FBXO11: variants seen among roughly 807,000 people sequenced by gnomAD.
FBXO11 encodes F-box only protein 11.
Under a neutral mutation model 117.0 loss-of-function variants are expected in FBXO11, and 13 were observed. That is an observed-to-expected ratio of 0.11 (90% CI 0.07 to 0.18). The LOEUF is 0.18. Among genes scored for constraint, FBXO11 ranks in the 10% least tolerant of loss-of-function variants. The pLI is 1.00. For synonymous variants in FBXO11, 490 were observed against 380.5 expected (o/e 1.29, Z -3.35); for missense variants, 767 against 1,164.4 (o/e 0.66, Z 4.97).
intron 1 of FBXO11, among the ~76,000 whole-genome samples, chr2:47,875,704 G>C (rs1675952634): frequency 6.6e-6 from 1 of 151,960 alleles, no homozygotes; most frequent in African/African-American, 2.4e-5. Context: ...TTCTTTGGTA[G>C]ATCTCTAAGA....
chr2:47,901,891 T>C (rs1479250013), intron 1 of FBXO11, among the ~76,000 whole-genome samples: 1 of 152,228 alleles, frequency 6.6e-6, no homozygotes, highest in Non-Finnish European at 1.5e-5. Context: ...ACACTACTGT[T>C]TCATTAAATC....
At chr2:47,854,963 G>T (rs1186063039) in intron 1 of FBXO11, among the ~76,000 whole-genome samples, 2 of 150,596 alleles carry the variant, frequency 1.3e-5, no homozygotes. Flanking sequence ...AAGAAACTAA[G>T]GCACAATAAA....
At chr2:47,890,123 A>ATTATTTAT (rs137926259) in intron 1 of FBXO11, among the ~76,000 whole-genome samples, 50 of 151,732 alleles carry the variant, frequency 3.3e-4, no homozygotes, top group Middle Eastern at 3.4e-3. Flanking sequence ...GCTAATTTTT[A>ATTATTTAT]TTATTTATTT....
chr2:47,866,776 C>T (rs943308313), intron 1 of FBXO11, among the ~76,000 whole-genome samples: 2 of 152,142 alleles, frequency 1.3e-5, no homozygotes, highest in Non-Finnish European at 2.9e-5. Context: ...CCGGCCTATG[C>T]TAGCAAGTTT....
intron 20 of FBXO11, 125 bp downstream of exon 20, chr2:47,809,475 T>A: frequency 1.3e-6 from 1 of 767,680 alleles, no homozygotes. Flanking sequence ...TCTGTTTCTT[T>A]CAAAATCTAT....
chr2:47,855,583 C>T (rs1339555252), intron 1 of FBXO11, among the ~76,000 whole-genome samples: 1 of 152,096 alleles, frequency 6.6e-6, no homozygotes, highest in African/African-American at 2.4e-5. Flanking sequence ...CTTGTAATCC[C>T]AGCACTTTGG....
At chr2:47,852,602 T>C (rs1673956395) in intron 1 of FBXO11, among the ~76,000 whole-genome samples, 1 of 152,226 alleles carries the variant, frequency 6.6e-6, no homozygotes, top group Admixed American at 6.5e-5. Context: ...ATTTTTACTT[T>C]TCACTACTAA....
chr2:47,878,179 T>C lies in FBXO11; in HGVS notation c.232+27310A>G, dbSNP rs1309932346. 2.0e-5 allele frequency among the ~76,000 whole-genome samples: 3 copies of C among 152,106 alleles called. No homozygotes were observed. In the East Asian group the frequency reaches 5.8e-4, roughly 29 times the overall value. On this transcript the variant is annotated intron_variant, in intron 1 of 22. Transcript: ENST00000403359. ...TCAGTTTTTTCCTGATTCAGCCCTT[T>C]AGTTTCTGGGGTAATAAAAACAGGC... is the stretch of plus-strand genomic sequence containing the variant.
chr2:47,846,659 G>T (rs1430330948), intron 1 of FBXO11, among the ~76,000 whole-genome samples: 1 of 151,894 alleles, frequency 6.6e-6, no homozygotes, highest in Non-Finnish European at 1.5e-5. Context: ...GAAATAGAAC[G>T]CAATCCACAT....
At position 47,840,273 on chromosome 2, in the gene FBXO11, G is replaced by C. The variant is rs149696664; in HGVS notation, c.233-504C>G. On this transcript the variant is annotated intron_variant, in intron 1 of 22. Transcript: ENST00000403359. The stretch of plus-strand genomic sequence containing the variant: ...AGACTTTTTTTTAAAAAAAGGTGAG[G>C]AGGATATCCACTTGCTGAGAGGAGT... 1.1e-4 allele frequency among the ~76,000 whole-genome samples: 17 copies of C among 152,084 alleles called. No individual in the cohort carries two copies. The East Asian group carries it at 3.3e-3, about 30-fold the overall frequency.
chr2:47,841,131 G>A (rs985442871), intron 1 of FBXO11, among the ~76,000 whole-genome samples: 5 of 151,150 alleles, frequency 3.3e-5, no homozygotes, highest in East Asian at 4.0e-4. Context: ...CCGGGAGGCA[G>A]AGCTTGCAGT....
At chr2:47,840,303 A>G (rs1300004111) in intron 1 of FBXO11, among the ~76,000 whole-genome samples, 1 of 152,012 alleles carries the variant, frequency 6.6e-6, no homozygotes, top group African/African-American at 2.4e-5. Flanking sequence ...AGGAGTGGGA[A>G]GGGAACTGGT....
rs1206336442 is a variant in FBXO11, at chr2:47,900,581, C to CGTGTGT, written c.232+4907_232+4908insACACAC. Among the ~76,000 whole-genome samples the CGTGTGT allele has an allele frequency of 1.1e-3, 127 of 116,642 alleles. 8 individuals carry two copies. The highest frequency in any genetic ancestry group is 1.8e-3 in the Non-Finnish European group (89 of 48,676). 76.5% of individuals were successfully genotyped at this position (116,642 alleles called of 152,430 possible). On this transcript the variant is annotated intron_variant, in intron 1 of 22. Transcript: ENST00000403359. ...ACGTATATATACACACGTATACACA[C>CGTGTGT]ATATATACGTATATACACACGTATA...
At chr2:47,837,112 A>G (rs1672641097) in intron 4 of FBXO11, 1 of 184,800 alleles carries the variant, frequency 5.4e-6, no homozygotes, top group Non-Finnish European at 1.2e-5. Context: ...TATCCTATCA[A>G]GCACAATGAA....
At chr2:47,810,106 G>A in intron 19 of FBXO11, 1 of 517,012 alleles carries the variant, frequency 1.9e-6, no homozygotes. Flanking sequence ...TCACGACTAA[G>A]CAATAAGAGC....
rs544748387 is a variant in FBXO11 at position 47,881,263 on chromosome 2, G to C, written c.232+24226C>G. 3.7e-4 allele frequency among the ~76,000 whole-genome samples: 57 copies of C among 152,082 alleles called. 2 individuals are homozygous for C. The South Asian group carries it at 0.011, about 30-fold the overall frequency. The stretch of plus-strand genomic sequence containing the variant: ...CGAGACTCTGTCTCAAAAAAAGAAA[G>C]AAACAAAGAAAGGTATGTCTGGTCT... On this transcript the variant is annotated intron_variant, in intron 1 of 22. Transcript: ENST00000403359.
In FBXO11 at chr2:47,835,898, G is replaced by A. The variant is rs373208804; in HGVS notation, c.691C>T (p.Pro231Ser). The change falls in exon 5 of 23, where the codon CCC becomes TCC. Residue 231 changes from proline to serine, a missense_variant. Physicochemically the swap from Pro to Ser is moderately conservative, Grantham distance 74 (BLOSUM62 -1). Transcript: ENST00000403359. The stretch of plus-strand genomic sequence containing the variant: ...AACTGCTGGAAACTCTCTTTCCAGG[G>A]ATTTGGATGTTCATACTCTTCTGGA... The part of the protein sequence containing the change: ...INPEEYEHPN[P>S]WKESFQQLYK... 81 of 1,609,736 alleles carry A rather than the reference G, an allele frequency of 5.0e-5. No individual in the cohort carries two copies. The highest frequency in any genetic ancestry group is 6.7e-5 in the East Asian group (3 of 44,790).
Position 47,834,596 on chromosome 2 carries a change from A to T in FBXO11, c.917T>A (p.Ile306Asn). The T allele has an allele frequency of 6.3e-7, 1 of 1,582,390 alleles. No homozygotes were observed. Among genetic ancestry groups the T allele is most frequent in the Non-Finnish European group, 8.6e-7 (1 of 1,168,764 alleles). The change falls in exon 7 of 23, where the codon ATC becomes AAC. Residue 306 changes from isoleucine (I) to asparagine (N), a missense_variant. Physicochemically the swap from Ile to Asn is moderately radical, Grantham distance 149 (BLOSUM62 -3). Around this residue, in one of 10 missense-constraint regions of FBXO11, gnomAD observed 123 missense variants for 145.0 expected, o/e 0.85. Coordinates refer to ENST00000403359, the MANE Select transcript of FBXO11 (RefSeq NM_001190274.2). ...TDEWIYIESPITMIGAAPGKV... is the reference protein window; with the variant it reads ...TDEWIYIESPNTMIGAAPGKV... ...CAAAATACCTGCACCAATCATGGTG[A>T]TTGGAGATTCAATATATATCCATTC...
chr2:47,834,892 C>G, intron 5 of FBXO11, 21 bp from the exon 6 acceptor site: 1 of 1,568,824 alleles, frequency 6.4e-7, no homozygotes. Context: ...AAAAACAAAA[C>G]AAAACCATTG....
Sources: gnomAD v4.1 joint callset for allele counts (sites outside exome capture counted in the v4.1 genomes callset) on GRCh38, gnomAD v4.1.1 for gene constraint, gnomAD v4.1.1 regional missense constraint, MANE v1.5 for transcripts, NCBI Gene and HGNC (gene_info 2026-07-23, HGNC 2026-07-21) for gene names.